Variants in RELN observed in about 807,000 individuals in gnomAD.
The protein encoded by RELN is reelin.
RELN carries 108 observed loss-of-function variants against 427.6 expected under a neutral mutation model. The ratio of observed to expected loss-of-function variants is 0.25; its 90% CI spans 0.22 to 0.30. The LOEUF (loss-of-function observed/expected upper bound fraction) is 0.30, where lower values mean the gene tolerates loss of function less well. RELN is among the 10% of genes least tolerant of loss of function. The pLI is 1.00. For missense variants in RELN, 3,715 were observed against 4,302.8 expected, an observed-to-expected ratio of 0.86 and a Z score of 3.82; for synonymous variants, 1,524 against 1,513.4, an observed-to-expected ratio of 1.01 and a Z score of -0.16.
chr7:103,534,824 A>C (rs954871516), intron 46 of RELN, among the ~76,000 whole-genome samples: 25 of 152,316 alleles, frequency 1.6e-4, no homozygotes, highest in Admixed American at 1.5e-3. Context: ...TTCAGGTGAT[A>C]ATTCTCAAGA....
At chr7:103,694,641 G>C (rs1273576747) in intron 10 of RELN, among the ~76,000 whole-genome samples, 1 of 151,950 alleles carries the variant, frequency 6.6e-6, no homozygotes, top group Admixed American at 6.6e-5. Context: ...TCCGTAAATA[G>C]CTCCATTTTA....
At chr7:103,714,316 T>A (rs1008820008) in intron 8 of RELN, among the ~76,000 whole-genome samples, 6 of 152,232 alleles carry the variant, frequency 3.9e-5, no homozygotes, top group Non-Finnish European at 8.8e-5. Flanking sequence ...TTTTTATTAC[T>A]CTTATTACCT....
intron 4 of RELN, 151 bp downstream of exon 4, chr7:103,776,406 A>G: frequency 2.7e-6 from 2 of 745,230 alleles, no homozygotes; most frequent in East Asian, 5.3e-5. Context: ...AGTAATTACT[A>G]AATAACTATT....
intron 64 of RELN, among the ~76,000 whole-genome samples, chr7:103,473,950 G>A (rs2116948852): frequency 6.6e-6 from 1 of 152,264 alleles, no homozygotes; most frequent in East Asian, 1.9e-4. Flanking sequence ...ATAATGTCAT[G>A]TGATGTGATT....
At chr7:103,492,918 G>A (rs947566576) in intron 57 of RELN, among the ~76,000 whole-genome samples, 10 of 152,022 alleles carry the variant, frequency 6.6e-5, no homozygotes, top group Non-Finnish European at 1.5e-4. Flanking sequence ...GGGACATCAA[G>A]AGCACAGTAT....
At position 103,972,683 on chromosome 7, in the gene RELN, A is replaced by T. The variant is rs1796788206; in HGVS notation, c.226+16448T>A. Among the ~76,000 whole-genome samples, 4 of 152,212 alleles carry T rather than the reference A, an allele frequency of 2.6e-5. No homozygotes were observed. The South Asian group carries it at 8.3e-4, about 32-fold the overall frequency. On this transcript the variant is annotated intron_variant, in intron 1 of 64. Transcript: ENST00000428762. Reference sequence around the variant, plus strand: ...AGATTTAGGAAAATACAATGCCATGATGAGATGCGGCATCACTGTCAGGCA... The same window carrying T: ...AGATTTAGGAAAATACAATGCCATGTTGAGATGCGGCATCACTGTCAGGCA...
intron 1 of RELN, among the ~76,000 whole-genome samples, chr7:103,986,366 T>C: frequency 6.6e-6 from 1 of 152,224 alleles, no homozygotes; most frequent in East Asian, 1.9e-4. Context: ...GACAATTCTG[T>C]TAGACTCGAA....
At chr7:103,814,065 T>C (rs935510784) in intron 3 of RELN, among the ~76,000 whole-genome samples, 1 of 152,204 alleles carries the variant, frequency 6.6e-6, no homozygotes, top group Admixed American at 6.6e-5. Flanking sequence ...AGAGCATTGG[T>C]TAAGGGCCTG....
intron 52 of RELN, 116 bp from the exon 53 acceptor site, chr7:103,501,038 G>GGTTA: frequency 3.4e-6 from 3 of 889,566 alleles, no homozygotes; most frequent in Non-Finnish European, 5.5e-6. Flanking sequence ...ACTCTTACTA[G>GGTTA]ATGAAATAGG....
At chr7:103,818,931 CTAGAT>C (rs1792949100) in intron 3 of RELN, among the ~76,000 whole-genome samples, 1 of 150,920 alleles carries the variant, frequency 6.6e-6, no homozygotes, top group African/African-American at 2.4e-5. Flanking sequence ...TTAAAAAAAG[CTAGAT>C]TAGAGAATAA....
chr7:103,691,325 A>C (rs1018149220), intron 10 of RELN, among the ~76,000 whole-genome samples: 1 of 152,026 alleles, frequency 6.6e-6, no homozygotes, highest in African/African-American at 2.4e-5. Context: ...TGGTTTAGAT[A>C]GTCCCCCCCG....
rs561663530 is a variant in RELN at position 103,891,877 on chromosome 7, C to T, written c.337+25198G>A. Among the ~76,000 whole-genome samples, 6 of 152,234 alleles carry T rather than the reference C, an allele frequency of 3.9e-5. No individual in the cohort carries two copies. The East Asian group carries it at 1.2e-3, about 29-fold the overall frequency. On this transcript the variant is annotated intron_variant, in intron 2 of 64. Transcript: ENST00000428762. ...CAGTTCATATCCAATGCACTCTGGA[C>T]ACTTTCTTTCCAGCATTCTAGACAC... is the stretch of plus-strand genomic sequence containing the variant.
intron 4 of RELN, among the ~76,000 whole-genome samples, chr7:103,757,987 G>C (rs1204198827): frequency 6.6e-6 from 1 of 152,188 alleles, no homozygotes; most frequent in Non-Finnish European, 1.5e-5. Context: ...TTTTTCAGAA[G>C]TGAATATTTT....
intron 1 of RELN, among the ~76,000 whole-genome samples, chr7:103,938,234 C>T (rs1177583112): frequency 5.3e-5 from 8 of 151,966 alleles, no homozygotes; most frequent in African/African-American, 9.7e-5. Flanking sequence ...GGAGGAGAAT[C>T]GCTTGAACCC....
intron 1 of RELN, among the ~76,000 whole-genome samples, chr7:103,983,718 A>C (rs1028666704): frequency 4.6e-5 from 7 of 152,212 alleles, no homozygotes; most frequent in African/African-American, 1.7e-4. Flanking sequence ...GTATTAAGTC[A>C]TTACTCAGGC....
At chr7:103,682,036 T>A in intron 11 of RELN, 80 bp downstream of exon 11, 1 of 1,368,252 alleles carries the variant, frequency 7.3e-7, no homozygotes, top group Non-Finnish European at 1.0e-6. Context: ...TTTCGCCATT[T>A]AACAATATGC....
chr7:103,859,193 T>C (rs944993247), intron 2 of RELN, among the ~76,000 whole-genome samples: 1 of 152,214 alleles, frequency 6.6e-6, no homozygotes, highest in South Asian at 2.1e-4. Flanking sequence ...CTCAAGTGTG[T>C]GCAGAATTCT....
At chr7:103,522,564 A>G (rs1471824003) in intron 47 of RELN, among the ~76,000 whole-genome samples, 2 of 152,166 alleles carry the variant, frequency 1.3e-5, no homozygotes, top group Non-Finnish European at 2.9e-5. Flanking sequence ...TAGTCTTTTT[A>G]ACAGAGGCTT....
At chr7:103,755,013 T>C (rs1791098867) in intron 4 of RELN, among the ~76,000 whole-genome samples, 1 of 152,152 alleles carries the variant, frequency 6.6e-6, no homozygotes, top group African/African-American at 2.4e-5. Context: ...TGTCTATAGA[T>C]GAACTCAGGG....
Sources: gnomAD v4.1 joint callset for allele counts (sites outside exome capture counted in the v4.1 genomes callset) on GRCh38, gnomAD v4.1.1 for gene constraint, MANE v1.5 for transcripts, NCBI Gene and HGNC (gene_info 2026-07-23, HGNC 2026-07-21) for gene names.